Variants in SUMF1 observed in about 807,000 individuals in gnomAD.
SUMF1 encodes sulfatase modifying factor 1, also known as formylglycine-generating enzyme.
Under a neutral mutation model 47.6 loss-of-function variants are expected in SUMF1, and 48 were observed. That is an observed-to-expected ratio of 1.01 (90% CI 0.80 to 1.28). SUMF1 has a LOEUF of 1.28. Ranked by LOEUF, SUMF1 falls within the 50% of genes most tolerant of loss-of-function variation. The pLI is 0.00. For synonymous variants in SUMF1, 230 were observed against 192.1 expected (o/e 1.20, Z -1.63); for missense variants, 571 against 485.4 (o/e 1.18, Z -1.66).
At chr3:4,410,120 C>T (rs561723732) in intron 7 of SUMF1, among the ~76,000 whole-genome samples, 2 of 152,174 alleles carry the variant, frequency 1.3e-5, no homozygotes, top group Non-Finnish European at 2.9e-5. Flanking sequence ...ATTCTCCCCC[C>T]CAATCTGTTC....
At chr3:4,451,072 C>T (rs140341211) in intron 2 of SUMF1, among the ~76,000 whole-genome samples, 3,569 of 149,992 alleles carry the variant, frequency 0.024, 61 homozygotes, top group Non-Finnish European at 0.037. Context: ...TGTTTAAATG[C>T]ATAAAATAAA....
At chr3:4,366,148 C>T (rs569661288) in intron 8 of SUMF1, among the ~76,000 whole-genome samples, 3,303 of 151,490 alleles carry the variant, frequency 0.022, 53 homozygotes, top group Middle Eastern at 0.041. Flanking sequence ...CTGCCCTTAG[C>T]ATTTTTTCCT....
chr3:4,351,066 G>C (rs951338155), intron 8 of SUMF1, among the ~76,000 whole-genome samples: 1 of 152,180 alleles, frequency 6.6e-6, no homozygotes, highest in Non-Finnish European at 1.5e-5. Flanking sequence ...GAGGTACAAG[G>C]GTTGGCTCCA....
intron 9 of SUMF1, among the ~76,000 whole-genome samples, chr3:4,058,523 C>A (rs969647176): frequency 2.0e-5 from 3 of 151,968 alleles, no homozygotes; most frequent in South Asian, 4.1e-4. Context: ...TGGATCCACA[C>A]AGAAGGGGGC....
rs990905410 is a variant in SUMF1 at position 4,246,877 on chromosome 3, A to G, written c.1014+129453T>C. ...CCTGAGGAAATTCAGCGCTAATTCT[A>G]TAAGTCATGGACCCAGTTTTAATTA... On this transcript the variant is annotated intron_variant and NMD_transcript_variant, in intron 8 of 12. Transcript: ENST00000448413. 5.9e-5 allele frequency among the ~76,000 whole-genome samples: 9 copies of G among 152,224 alleles called. No homozygotes were observed. The South Asian group carries it at 8.3e-4, about 14-fold the overall frequency.
intron 8 of SUMF1, among the ~76,000 whole-genome samples, chr3:4,221,179 C>A (rs1696052234): frequency 6.6e-6 from 1 of 152,122 alleles, no homozygotes; most frequent in Non-Finnish European, 1.5e-5. Flanking sequence ...CATCCTCCTA[C>A]CATTACACTC....
intron 8 of SUMF1, among the ~76,000 whole-genome samples, chr3:4,164,979 C>A (rs555177468): frequency 6.6e-6 from 1 of 152,232 alleles, no homozygotes; most frequent in East Asian, 1.9e-4. Context: ...TCCTAATTCT[C>A]CTTAGTCCTT....
At chr3:4,212,602 A>C (rs997617215) in intron 8 of SUMF1, among the ~76,000 whole-genome samples, 1 of 152,090 alleles carries the variant, frequency 6.6e-6, no homozygotes, top group African/African-American at 2.4e-5. Flanking sequence ...GTGGTAAATA[A>C]CAAACTCCTC....
At chr3:4,063,814 T>C (rs577317545) in intron 9 of SUMF1, among the ~76,000 whole-genome samples, 19 of 152,290 alleles carry the variant, frequency 1.2e-4, no homozygotes, top group East Asian at 7.7e-4. Context: ...ATATACCTTA[T>C]TAAATTATTA....
intron 8 of SUMF1, among the ~76,000 whole-genome samples, chr3:4,073,285 TGA>T (rs1301732620): frequency 6.6e-6 from 1 of 152,178 alleles, no homozygotes; most frequent in Non-Finnish European, 1.5e-5. Context: ...AAGCAAATGC[TGA>T]GAGATTTTGT....
chr3:4,337,388 C>T (rs1699177070), intron 8 of SUMF1, among the ~76,000 whole-genome samples: 1 of 152,102 alleles, frequency 6.6e-6, no homozygotes, highest in Non-Finnish European at 1.5e-5. Context: ...ACTGCTACAC[C>T]CCTGGGAAAA....
chr3:4,105,017 T>G (rs1243589987), intron 8 of SUMF1, among the ~76,000 whole-genome samples: 1 of 152,166 alleles, frequency 6.6e-6, no homozygotes, highest in Admixed American at 6.5e-5. Context: ...AAATGTGGTA[T>G]ACATACACAA....
intron 8 of SUMF1, among the ~76,000 whole-genome samples, chr3:4,190,177 G>C (rs1385484): frequency 0.35 from 52,344 of 150,378 alleles, 9,185 homozygotes; most frequent in East Asian, 0.4. Context: ...GAACTAAGAA[G>C]ACTTATGGAG....
intron 8 of SUMF1, among the ~76,000 whole-genome samples, chr3:4,114,502 T>C (rs10510287): frequency 0.05 from 7,635 of 152,266 alleles, 524 homozygotes; most frequent in East Asian, 0.16. Context: ...CCTTATTGAC[T>C]AAGTTACTAT....
chr3:4,103,491 A>C (rs745506373), intron 8 of SUMF1, among the ~76,000 whole-genome samples: 15 of 152,022 alleles, frequency 9.9e-5, no homozygotes, highest in Non-Finnish European at 2.1e-4. Context: ...AAGTGGTGAA[A>C]CGGATAAGCA....
intron 8 of SUMF1, among the ~76,000 whole-genome samples, chr3:4,334,784 T>C (rs905372532): frequency 6.6e-6 from 1 of 152,198 alleles, no homozygotes; most frequent in African/African-American, 2.4e-5. Context: ...TGTTCCCAGA[T>C]TAGGAAACGA....
In SUMF1 at chr3:4,103,535, C is replaced by G. The variant is rs547222401; in HGVS notation, c.1015-34790G>C. On this transcript the variant is annotated intron_variant and NMD_transcript_variant, in intron 8 of 12. Coordinates refer to the SUMF1 transcript ENST00000448413. ...AGAGGATGGCAAGTCCTAGAATGTT[C>G]CTTGATATTCTATCTCCCTTCTCGT... Among the ~76,000 whole-genome samples, 23 of 152,104 alleles carry G rather than the reference C, an allele frequency of 1.5e-4. No homozygotes were observed. The Middle Eastern group carries it at 0.01, about 67-fold the overall frequency.
chr3:4,464,996 A>G (rs1362707705), intron 1 of SUMF1, among the ~76,000 whole-genome samples: 1 of 152,240 alleles, frequency 6.6e-6, no homozygotes, highest in Admixed American at 6.5e-5. Flanking sequence ...ATGTAATCCA[A>G]AAGATTCTAA....
chr3:4,409,987 C>T (rs1470096564), intron 7 of SUMF1, among the ~76,000 whole-genome samples: 6 of 152,138 alleles, frequency 3.9e-5, no homozygotes, highest in South Asian at 2.1e-4. Context: ...TGAGCCTTTT[C>T]AAAAAGTTCA....
Sources: gnomAD v4.1 joint callset for allele counts (sites outside exome capture counted in the v4.1 genomes callset) on GRCh38, gnomAD v4.1.1 for gene constraint, MANE v1.5 for transcripts, NCBI Gene and HGNC (gene_info 2026-07-23, HGNC 2026-07-21) for gene names.